MINK1: variants seen among roughly 807,000 people sequenced by gnomAD.
MINK1 encodes the protein misshapen-like kinase 1.
A neutral mutation model predicts 178.4 loss-of-function variants in MINK1; 46 were observed. The ratio of observed to expected loss-of-function variants is 0.26; its 90% CI spans 0.20 to 0.33. MINK1 has a LOEUF of 0.33. Among genes scored for constraint, MINK1 ranks in the 10% least tolerant of loss-of-function variants. The probability of loss-of-function intolerance (pLI) is 1.00; values close to 1 mark genes in which losing one functional copy is unlikely to be tolerated. For synonymous variants in MINK1, 797 were observed against 709.7 expected, an observed-to-expected ratio of 1.12 and a Z score of -1.96; for missense variants, 1,366 against 1,814.9, an observed-to-expected ratio of 0.75 and a Z score of 4.49.
Position 4,887,208 on chromosome 17 carries a change from G to A in MINK1, c.1019+29G>A, listed in dbSNP as rs1478926403. ...GGCCTGGCAGGTGGAGTGGGGGTTGGGGCGGTCATCGCTGAGTGGGGGGAC... is the reference window on the plus strand; with the variant it reads ...GGCCTGGCAGGTGGAGTGGGGGTTGAGGCGGTCATCGCTGAGTGGGGGGAC... On this transcript the variant is annotated intron_variant, in intron 11 of 31. Coordinates refer to ENST00000355280, the MANE Select transcript of MINK1 (RefSeq NM_153827.5). This position sits in a 1 kb window ranked among gnomAD's most constrained non-coding sequence, Gnocchi z 7.6. 2 of 1,578,838 alleles carry A rather than the reference G, an allele frequency of 1.3e-6. No homozygotes were observed. Among genetic ancestry groups the A allele is most frequent in the African/African-American group, 2.7e-5 (2 of 74,322 alleles).
intron 2 of MINK1, 77 bp from the exon 3 acceptor site, chr17:4,880,907 A>T: frequency 2.2e-6 from 3 of 1,382,620 alleles, no homozygotes; most frequent in Middle Eastern, 2.1e-4. Context: ...CTCAAAAAAA[A>T]AAGCTGTGTC....
chr17:4,859,570 A>G (rs1913782777), intron 1 of MINK1, among the ~76,000 whole-genome samples: 1 of 151,742 alleles, frequency 6.6e-6, no homozygotes, highest in Non-Finnish European at 1.5e-5. Context: ...GATGGATCAC[A>G]TGAGGTCAGG....
At chr17:4,865,145 A>G (rs940767700) in intron 1 of MINK1, among the ~76,000 whole-genome samples, 1 of 152,120 alleles carries the variant, frequency 6.6e-6, no homozygotes, top group South Asian at 2.1e-4. Flanking sequence ...ATAACCAGAC[A>G]CTGGGCCGGG....
chr17:4,875,813 C>T (rs566756661), intron 1 of MINK1, among the ~76,000 whole-genome samples: 92 of 151,574 alleles, frequency 6.1e-4, no homozygotes, highest in Non-Finnish European at 5.2e-4. Flanking sequence ...TTCCCCCCGC[C>T]GAGACAGAGC....
intron 1 of MINK1, chr17:4,859,304 T>G: frequency 1.0e-6 from 1 of 985,406 alleles, no homozygotes; most frequent in Non-Finnish European, 1.2e-6. Flanking sequence ...AATTCAAGAA[T>G]TATGACTCAT....
In MINK1 at chr17:4,896,569, G is replaced by C. The variant is rs1012537403; in HGVS notation, c.3756G>C (p.Gly1252=). ...TTAAGGATGTGGTGCTGCAGTGGGG[G>C]GAGATGCCTACTTCTGTGGGTGAGT... The part of the protein sequence containing the change: ...RIIKDVVLQW[G]EMPTSVAYIC... Residue 1252 remains glycine (G), a synonymous_variant, in exon 30 of 32, where the codon GGG becomes GGC. Transcript: ENST00000355280. This position sits in a 1 kb window ranked among gnomAD's most constrained non-coding sequence, Gnocchi z 4.6. The C allele has an allele frequency of 2.5e-6, 4 of 1,613,794 alleles. No individual in the cohort carries two copies. The highest frequency in any genetic ancestry group is 1.7e-5 in the Admixed American group (1 of 59,992).
intron 1 of MINK1, among the ~76,000 whole-genome samples, chr17:4,863,606 TCTTGGCTCTACCA>T (rs1323262335): frequency 2.0e-5 from 3 of 152,106 alleles, no homozygotes; most frequent in Non-Finnish European, 2.9e-5. Flanking sequence ...TTCAGTCAAA[TCTTGGCTCTACCA>T]CTTCCTAGCC....
intron 1 of MINK1, among the ~76,000 whole-genome samples, chr17:4,845,922 G>A (rs953160041): frequency 9.9e-5 from 15 of 152,240 alleles, no homozygotes; most frequent in African/African-American, 3.6e-4. Context: ...GATTGCAGGC[G>A]TGAGCCACCG....
intron 1 of MINK1, among the ~76,000 whole-genome samples, chr17:4,877,790 C>T (rs1967315414): frequency 1.3e-5 from 2 of 148,626 alleles, no homozygotes; most frequent in African/African-American, 5.0e-5. Flanking sequence ...TGCGCTCTGA[C>T]TTCCATGTTC....
chr17:4,894,682 C>A lies in MINK1; in HGVS notation c.2917+49C>A. 1 of 1,426,712 alleles carries A rather than the reference C, an allele frequency of 7.0e-7. No individual in the cohort carries two copies. Among genetic ancestry groups the A allele is most frequent in the Non-Finnish European group, 9.7e-7 (1 of 1,028,572 alleles). The allele number at this position is 1,426,712 out of a possible 1,614,324, so 88.4% of individuals were successfully genotyped here. A position where few individuals can be genotyped will look rare whatever the true frequency, so the allele number is the denominator to read the frequency against. On this transcript the variant is annotated intron_variant, in intron 24 of 31. Coordinates refer to ENST00000355280, the MANE Select transcript of MINK1 (RefSeq NM_153827.5). The surrounding 1 kb of genome is among the most constrained non-coding windows in gnomAD (Gnocchi z 4.1). ...CTGTGAGGCCAGGGTCCAGGGGCAGCCTGGAGGGGAGCACAGTGGTCTTGA... is the reference window on the plus strand; with the variant it reads ...CTGTGAGGCCAGGGTCCAGGGGCAGACTGGAGGGGAGCACAGTGGTCTTGA...
intron 1 of MINK1, among the ~76,000 whole-genome samples, chr17:4,837,786 A>C (rs554181792): frequency 1.3e-5 from 2 of 152,238 alleles, no homozygotes; most frequent in South Asian, 4.2e-4. Context: ...GAAACTGTGG[A>C]GCTATGCTTA....
chr17:4,876,858 C>T (rs1452717198), intron 1 of MINK1, among the ~76,000 whole-genome samples: 1 of 152,020 alleles, frequency 6.6e-6, no homozygotes, highest in Non-Finnish European at 1.5e-5. Context: ...GAGGCCAAGG[C>T]AGGAGGACTG....
chr17:4,859,686 G>T lies in MINK1; in HGVS notation c.58-18631G>T, dbSNP rs1913803594. Among the ~76,000 whole-genome samples, 3 of 150,920 alleles carry T rather than the reference G, an allele frequency of 2.0e-5. No homozygotes were observed. The South Asian group carries it at 6.3e-4, about 31-fold the overall frequency. ...GCCTGTAATCCCAGCTACCTGGGAG[G>T]CTGAGGCAGGAGAATCGCTTGAACT... On this transcript the variant is annotated intron_variant, in intron 1 of 31. Coordinates refer to ENST00000355280, the MANE Select transcript of MINK1 (RefSeq NM_153827.5).
In MINK1 at chr17:4,893,541, CGAG is replaced by C. The variant is rs765147268; in HGVS notation, c.2514_2516del (p.Glu839del). 4.5e-5 allele frequency: 72 copies of C among 1,594,194 alleles called. No homozygotes were observed. The South Asian group carries it at 7.2e-4, about 16-fold the overall frequency. On this transcript the variant is annotated inframe_deletion, in exon 21 of 32. Coordinates refer to ENST00000355280, the MANE Select transcript of MINK1 (RefSeq NM_153827.5). ...AGGAGGTGGAAAGCAGTGAGGACGA[CGAG>C]GAGGAAGGCGAAGGCGGGCCAGCAG...
intron 1 of MINK1, among the ~76,000 whole-genome samples, chr17:4,844,942 A>C (rs777897823): frequency 3.3e-5 from 5 of 152,128 alleles, no homozygotes; most frequent in Non-Finnish European, 5.9e-5. Context: ...GTGCAACTGT[A>C]ACCACTATCC....
chr17:4,857,472 T>TG (rs1425530209), intron 1 of MINK1: 1 of 143,928 alleles, frequency 6.9e-6, no homozygotes, highest in Non-Finnish European at 1.5e-5. Context: ...TTTTTTTTTT[T>TG]TTTTTTTTTT....
At position 4,897,396 on chromosome 17, in the gene MINK1, T is replaced by G; in HGVS notation, c.*109T>G. ...CCCTGGGCTTTTGCTTTTACTGGTT[T>G]GATTTCACTGGAGCCTGCTGGGAAC... On this transcript the variant is annotated 3_prime_UTR_variant, in exon 32 of 32. Coordinates refer to ENST00000355280, the MANE Select transcript of MINK1 (RefSeq NM_153827.5). 1 of 975,240 alleles carries G rather than the reference T, an allele frequency of 1.0e-6. No homozygotes were observed. Among genetic ancestry groups the G allele is most frequent in the Non-Finnish European group, 1.6e-6 (1 of 640,466 alleles). The allele number at this position is 975,240 out of a possible 1,614,324, so 60.4% of individuals were successfully genotyped here.
chr17:4,838,960 T>C (rs75114811), intron 1 of MINK1, among the ~76,000 whole-genome samples: 1 of 152,102 alleles, frequency 6.6e-6, no homozygotes, highest in Admixed American at 6.5e-5. Flanking sequence ...TTTTTTTTTT[T>C]TGAGACGCAG....
chr17:4,892,643 GC>G lies in MINK1; in HGVS notation c.2199-6del, dbSNP rs745836107. 4 of 1,589,292 alleles carry G rather than the reference GC, an allele frequency of 2.5e-6. No homozygotes were observed. Among genetic ancestry groups the G allele is most frequent in the South Asian group, 1.1e-5 (1 of 88,288 alleles). ...ACCGTGCCTCCCTGACCCTGACTCTGCCCCCCCAACAGTAACCCCGACCTCA... is the reference window on the plus strand; with the variant it reads ...ACCGTGCCTCCCTGACCCTGACTCTGCCCCCCAACAGTAACCCCGACCTCA... On this transcript the variant is annotated splice_polypyrimidine_tract_variant and intron_variant, in intron 18 of 31. Transcript: ENST00000355280.
Sources: gnomAD v4.1 joint callset for allele counts (sites outside exome capture counted in the v4.1 genomes callset) on GRCh38, gnomAD v4.1.1 for gene constraint, Gnocchi (gnomAD v3.1) non-coding constraint, MANE v1.5 for transcripts, NCBI Gene and HGNC (gene_info 2026-07-23, HGNC 2026-07-21) for gene names.